The following DRG2 variants were observed in gnomAD, a reference collection of about 807,000 sequenced individuals.
DRG2 encodes developmentally regulated GTP binding protein 2.
In DRG2, 36 loss-of-function variants were observed where a neutral mutation model predicts 53.4. The ratio of observed to expected loss-of-function variants is 0.67; its 90% CI spans 0.52 to 0.89. DRG2 has a LOEUF of 0.89. Among genes scored for constraint, DRG2 ranks in the 40% least tolerant of loss-of-function variants. DRG2 has a pLI of 0.00. For missense variants in DRG2, 342 were observed against 481.2 expected (o/e 0.71, Z 2.71); for synonymous variants, 167 against 192.1 (o/e 0.87, Z 1.08).
In DRG2 at chr17:18,099,605, T is replaced by C. The variant is rs1193133119; in HGVS notation, c.377-28T>C. 2 of 1,584,796 alleles carry C rather than the reference T, an allele frequency of 1.3e-6. No individual in the cohort carries two copies. The highest frequency in any genetic ancestry group is 1.7e-6 in the Non-Finnish European group (2 of 1,166,450). On this transcript the variant is annotated intron_variant, in intron 4 of 12. Transcript: ENST00000225729. The surrounding 1 kb of genome is among the most constrained non-coding windows in gnomAD (Gnocchi z 4.4). ...GGTAGCAGTCACATGGGTCCACATA[T>C]GTAACTGCATCCCTCACACCCATCC... is the stretch of plus-strand genomic sequence containing the variant.
intron 11 of DRG2, among the ~76,000 whole-genome samples, chr17:18,105,278 A>G (rs2925139): frequency 0.92 from 139,471 of 152,208 alleles, 63,905 homozygotes; most frequent in South Asian, 0.95. Flanking sequence ...GCCAACCTTC[A>G]GGTCACATGG....
intron 1 of DRG2, among the ~76,000 whole-genome samples, chr17:18,091,102 G>C (rs578037774): frequency 1.3e-5 from 2 of 152,334 alleles, no homozygotes; most frequent in South Asian, 4.1e-4. Flanking sequence ...ATCGGAGTCA[G>C]GGAAGTAAAG....
chr17:18,087,952 T>C lies in DRG2; in HGVS notation c.-72T>C. On this transcript the variant is annotated 5_prime_UTR_variant, in exon 1 of 13. Transcript: ENST00000225729. ...TTTGGCTTCCGGGCGCACGCTACTC[T>C]GTCGCCGCCGTCAGACCGGAATTGC... 6.6e-7 allele frequency: 1 copy of C among 1,514,910 alleles called. No homozygotes were observed. The highest frequency in any genetic ancestry group is 1.2e-5 in the South Asian group (1 of 82,348). The allele number at this position is 1,514,910 out of a possible 1,614,324, so 93.8% of individuals were successfully genotyped here.
chr17:18,106,587 C>A, intron 12 of DRG2, 101 bp downstream of exon 12: 1 of 1,358,362 alleles, frequency 7.4e-7, no homozygotes, highest in Non-Finnish European at 1.0e-6. Flanking sequence ...GTGTTCCTGT[C>A]CTTCCTGTGG....
chr17:18,090,393 TATATATATATATA>T lies in DRG2; in HGVS notation c.64+2307_64+2319del, dbSNP rs1310154707. ...TTATATATATATATATATATATATA[TATATATATATATA>T]TTTTTTTTTTTTTTTTTTTTTTTTT... On this transcript the variant is annotated intron_variant, in intron 1 of 12. Coordinates refer to ENST00000225729, the MANE Select transcript of DRG2 (RefSeq NM_001388.5). Among the ~76,000 whole-genome samples the T allele has an allele frequency of 7.4e-3, 113 of 15,238 alleles. 3 individuals carry two copies. The highest frequency in any genetic ancestry group is 0.04 in the African/African-American group (109 of 2,692). 10.0% of individuals were successfully genotyped at this position (15,238 alleles called of 152,430 possible).
At position 18,098,823 on chromosome 17, in the gene DRG2, G is replaced by A. The variant is rs1450569787; in HGVS notation, c.316-194G>A. 6.6e-6 allele frequency among the ~76,000 whole-genome samples: 1 copy of A among 152,208 alleles called. No homozygotes were observed. Among genetic ancestry groups the A allele is most frequent in the Non-Finnish European group, 1.5e-5 (1 of 68,032 alleles). ...TTGGAAGATCTTGAGCCCTCCCTAG[G>A]CGGCTACTCAGCTCATAGGCTGTGG... On this transcript the variant is annotated intron_variant, in intron 3 of 12. Coordinates refer to ENST00000225729, the MANE Select transcript of DRG2 (RefSeq NM_001388.5). The surrounding 1 kb of genome is among the most constrained non-coding windows in gnomAD (Gnocchi z 4.1).
chr17:18,099,241 T>C lies in DRG2; in HGVS notation c.376+164T>C. 4.6e-6 allele frequency: 4 copies of C among 877,062 alleles called. No individual in the cohort carries two copies. The highest frequency in any genetic ancestry group is 6.9e-6 in the Non-Finnish European group (4 of 576,242). The allele number at this position is 877,062 out of a possible 1,614,324, so 54.3% of individuals were successfully genotyped here. On this transcript the variant is annotated intron_variant, in intron 4 of 12. Coordinates refer to ENST00000225729, the MANE Select transcript of DRG2 (RefSeq NM_001388.5). This position sits in a 1 kb window ranked among gnomAD's most constrained non-coding sequence, Gnocchi z 4.4. ...AATCCTTGGCACCAAACTAGCCTTG[T>C]GATCTTGGGCAAGTGATTGGGTATC...
At chr17:18,094,734 G>A (rs148113197) in intron 2 of DRG2, among the ~76,000 whole-genome samples, 74 of 152,130 alleles carry the variant, frequency 4.9e-4, no homozygotes, top group Non-Finnish European at 6.8e-4. Context: ...CAGCACTTTG[G>A]GAGGCCAAGG....
Position 18,100,103 on chromosome 17 carries a change from T to C in DRG2, c.468-260T>C. The stretch of plus-strand genomic sequence containing the variant: ...CTCGGGACCAGAAGGAGTACCCTCA[T>C]GTGGTCACCTCGCGGGGGCTCCACC... On this transcript the variant is annotated intron_variant, in intron 5 of 12. Coordinates refer to ENST00000225729, the MANE Select transcript of DRG2 (RefSeq NM_001388.5). The surrounding 1 kb of genome is among the most constrained non-coding windows in gnomAD (Gnocchi z 4.1). 1.7e-6 allele frequency: 1 copy of C among 585,316 alleles called. No individual in the cohort carries two copies. The highest frequency in any genetic ancestry group is 2.9e-5 in the East Asian group (1 of 35,020). The allele number at this position is 585,316 out of a possible 1,614,324, so 36.3% of individuals were successfully genotyped here.
Position 18,087,968 on chromosome 17 carries a change from C to G in DRG2, c.-56C>G. On this transcript the variant is annotated 5_prime_UTR_variant, in exon 1 of 13. Coordinates refer to ENST00000225729, the MANE Select transcript of DRG2 (RefSeq NM_001388.5). The stretch of plus-strand genomic sequence containing the variant: ...ACGCTACTCTGTCGCCGCCGTCAGA[C>G]CGGAATTGCCGGTGCCGCCGCCACC... 7 of 1,535,854 alleles carry G rather than the reference C, an allele frequency of 4.6e-6. No individual in the cohort carries two copies. The highest frequency in any genetic ancestry group is 1.7e-4 in the Middle Eastern group (1 of 5,946).
At chr17:18,102,661 G>A (rs1305855521) in intron 9 of DRG2, among the ~76,000 whole-genome samples, 1 of 151,132 alleles carries the variant, frequency 6.6e-6, no homozygotes, top group African/African-American at 2.4e-5. Flanking sequence ...TAACTTAGTA[G>A]TGAACCAAGG....
chr17:18,101,224 G>A (rs2045528774), intron 7 of DRG2, among the ~76,000 whole-genome samples: 1 of 152,216 alleles, frequency 6.6e-6, no homozygotes, highest in South Asian at 2.1e-4. Context: ...TCCCCTGAGG[G>A]GCTTTGGGGA....
rs1233930179 is a variant in DRG2, at chr17:18,103,757, A to G, written c.807-44A>G. 6.3e-7 allele frequency: 1 copy of G among 1,588,926 alleles called. No individual in the cohort carries two copies. Among genetic ancestry groups the G allele is most frequent in the Non-Finnish European group, 8.6e-7 (1 of 1,157,652 alleles). On this transcript the variant is annotated intron_variant, in intron 9 of 12. Coordinates refer to ENST00000225729, the MANE Select transcript of DRG2 (RefSeq NM_001388.5). This position sits in a 1 kb window ranked among gnomAD's most constrained non-coding sequence, Gnocchi z 4.4. ...GAGAAGTGGAGACCCCAGCCTCTGA[A>G]TTCACAGGGGCCCCTGCCTGACTGG...
At position 18,098,205 on chromosome 17, in the gene DRG2, C is replaced by T; in HGVS notation, c.226-65C>T. ...TGCCTGCACCTGCAGGCCCCCAGCC[C>T]CTGGGGCCTCTCCCAGAAGGCCAGG... On this transcript the variant is annotated intron_variant, in intron 2 of 12. Coordinates refer to ENST00000225729, the MANE Select transcript of DRG2 (RefSeq NM_001388.5). The surrounding 1 kb of genome is among the most constrained non-coding windows in gnomAD (Gnocchi z 4.1). 7.0e-7 allele frequency: 1 copy of T among 1,424,562 alleles called. No homozygotes were observed. Among genetic ancestry groups the T allele is most frequent in the Non-Finnish European group, 9.9e-7 (1 of 1,012,012 alleles). The allele number at this position is 1,424,562 out of a possible 1,614,324, so 88.2% of individuals were successfully genotyped here. A position where few individuals can be genotyped will look rare whatever the true frequency, so the allele number is the denominator to read the frequency against.
chr17:18,100,081 G>T lies in DRG2; in HGVS notation c.468-282G>T, dbSNP rs886842766. On this transcript the variant is annotated intron_variant, in intron 5 of 12. Transcript: ENST00000225729. This position sits in a 1 kb window ranked among gnomAD's most constrained non-coding sequence, Gnocchi z 4.1. Reference sequence around the variant, plus strand: ...AGGGGTACACCAGGCCTGCCTCCTCGGGACCAGAAGGAGTACCCTCATGTG... The same window carrying T: ...AGGGGTACACCAGGCCTGCCTCCTCTGGACCAGAAGGAGTACCCTCATGTG... The T allele has an allele frequency of 1.7e-6, 1 of 577,618 alleles. No individual in the cohort carries two copies. The highest frequency in any genetic ancestry group is 3.1e-6 in the Non-Finnish European group (1 of 323,514). The allele number at this position is 577,618 out of a possible 1,614,324, so 35.8% of individuals were successfully genotyped here. A position where few individuals can be genotyped will look rare whatever the true frequency, so the allele number is the denominator to read the frequency against.
chr17:18,094,500 C>T (rs1350502313), intron 2 of DRG2, among the ~76,000 whole-genome samples: 1 of 152,036 alleles, frequency 6.6e-6, no homozygotes, highest in Non-Finnish European at 1.5e-5. Flanking sequence ...TGGGTGAGAA[C>T]CTTCCAGACA....
At chr17:18,104,517 G>A in intron 10 of DRG2, 106 bp from the exon 11 acceptor site, 1 of 1,566,146 alleles carries the variant, frequency 6.4e-7, no homozygotes, top group East Asian at 2.3e-5. Context: ...GCCAAGGCAA[G>A]GAGACCGAAA....
At position 18,090,383 on chromosome 17, in the gene DRG2, TATATATATATATATA is replaced by T. The variant is rs2045300268; in HGVS notation, c.64+2297_64+2311del. Among the ~76,000 whole-genome samples the T allele has an allele frequency of 1.5e-3, 53 of 34,662 alleles. 13 individuals are homozygous for T. The highest frequency in any genetic ancestry group is 1.9e-3 in the East Asian group (2 of 1,066). The allele number at this position is 34,662 out of a possible 152,430, so 22.7% of individuals were successfully genotyped here. The stretch of plus-strand genomic sequence containing the variant: ...CCGGGCTAATTTATATATATATATA[TATATATATATATATA>T]TATATATATTTTTTTTTTTTTTTTT... On this transcript the variant is annotated intron_variant, in intron 1 of 12. Coordinates refer to ENST00000225729, the MANE Select transcript of DRG2 (RefSeq NM_001388.5).
At chr17:18,089,106 T>A (rs2045267819) in intron 1 of DRG2, among the ~76,000 whole-genome samples, 1 of 152,146 alleles carries the variant, frequency 6.6e-6, no homozygotes, top group South Asian at 2.1e-4. Context: ...GCCAAGGAGT[T>A]GAGGGCCCTC....
Sources: gnomAD v4.1 joint callset for allele counts (sites outside exome capture counted in the v4.1 genomes callset) on GRCh38, gnomAD v4.1.1 for gene constraint, Gnocchi (gnomAD v3.1) non-coding constraint, MANE v1.5 for transcripts, NCBI Gene and HGNC (gene_info 2026-07-23, HGNC 2026-07-21) for gene names.